Variants in VPS13A observed in about 807,000 individuals in gnomAD.
VPS13A encodes the protein intermembrane lipid transfer protein VPS13A.
VPS13A carries 264 observed loss-of-function variants against 390.9 expected under a neutral mutation model. The observed-to-expected ratio is 0.68, with a 90% confidence interval of 0.61 to 0.75. The LOEUF is 0.75. Among genes scored for constraint, VPS13A ranks in the 30% least tolerant of loss-of-function variants. The pLI is 0.00. For missense variants in VPS13A, 3,409 were observed against 3,733.9 expected, an observed-to-expected ratio of 0.91 and a Z score of 2.27; for synonymous variants, 1,231 against 1,227.1, an observed-to-expected ratio of 1.00 and a Z score of -0.07.
intron 23 of VPS13A, among the ~76,000 whole-genome samples, chr9:77,268,873 G>A (rs1826188937): frequency 6.6e-6 from 1 of 151,600 alleles, no homozygotes; most frequent in Non-Finnish European, 1.5e-5. Flanking sequence ...TCTGGAGGTG[G>A]AGGTTGCAGT....
rs113134465 is a variant in VPS13A, at chr9:77,388,417, G to T, written c.9189+6330G>T. On this transcript the variant is annotated intron_variant, in intron 68 of 71. Transcript: ENST00000360280. ...GATTTTCATAGGGATTTATTGTCCGGTTTGTTTTAACGTGGCAGAATATTT... is the reference window on the plus strand; with the variant it reads ...GATTTTCATAGGGATTTATTGTCCGTTTTGTTTTAACGTGGCAGAATATTT... 1.9e-3 allele frequency among the ~76,000 whole-genome samples: 283 copies of T among 152,216 alleles called. 1 individual carries two copies. The highest frequency in any genetic ancestry group is 6.4e-3 in the African/African-American group (266 of 41,546).
intron 52 of VPS13A, 55 bp from the exon 53 acceptor site, chr9:77,351,262 T>A (rs1831448824): frequency 5.0e-6 from 8 of 1,600,876 alleles, no homozygotes; most frequent in African/African-American, 4.0e-5. Flanking sequence ...AGTTTTTTTT[T>A]AATCTCTTCG....
At chr9:77,330,277 A>T (rs1173196572) in intron 45 of VPS13A, among the ~76,000 whole-genome samples, 1 of 152,086 alleles carries the variant, frequency 6.6e-6, no homozygotes, top group Non-Finnish European at 1.5e-5. Flanking sequence ...CAGCCTCCCA[A>T]AGTGCTGGAA....
At chr9:77,284,490 G>A (rs1356074884) in intron 31 of VPS13A, among the ~76,000 whole-genome samples, 1 of 152,064 alleles carries the variant, frequency 6.6e-6, no homozygotes, top group East Asian at 1.9e-4. Flanking sequence ...TAGCAATAAG[G>A]AACAAGAAAT....
chr9:77,394,590 G>T (rs117434717), intron 68 of VPS13A, among the ~76,000 whole-genome samples: 1 of 152,168 alleles, frequency 6.6e-6, no homozygotes, highest in Non-Finnish European at 1.5e-5. Context: ...AAGAGAATCC[G>T]ACTGTCTTTT....
intron 1 of VPS13A, among the ~76,000 whole-genome samples, chr9:77,196,632 C>T (rs746902535): frequency 2.0e-5 from 3 of 151,312 alleles, no homozygotes; most frequent in South Asian, 2.1e-4. Context: ...CTTCCAGGTG[C>T]GTCTGTGTTG....
At chr9:77,410,644 C>G (rs1834876241) in intron 71 of VPS13A, among the ~76,000 whole-genome samples, 1 of 152,060 alleles carries the variant, frequency 6.6e-6, no homozygotes, top group African/African-American at 2.4e-5. Context: ...AGTTGCAATC[C>G]TAGTCTCTGA....
intron 68 of VPS13A, chr9:77,385,240 T>C: frequency 1.2e-6 from 1 of 830,806 alleles, no homozygotes; most frequent in Non-Finnish European, 1.5e-6. Context: ...ATTGAACTGC[T>C]ATTATAAAAA....
intron 20 of VPS13A, among the ~76,000 whole-genome samples, chr9:77,248,372 C>A (rs375293877): frequency 6.6e-6 from 1 of 151,698 alleles, no homozygotes; most frequent in Admixed American, 6.6e-5. Flanking sequence ...CCCGCCACCA[C>A]GCCCGGCTAA....
chr9:77,407,085 G>A (rs79788716), intron 70 of VPS13A, among the ~76,000 whole-genome samples: 1,870 of 152,170 alleles, frequency 0.012, 39 homozygotes, highest in African/African-American at 0.042. Context: ...ATACATGCAC[G>A]CACACATGCA....
At chr9:77,226,718 T>C (rs1329022477) in intron 15 of VPS13A, 120 bp downstream of exon 15, 1 of 822,236 alleles carries the variant, frequency 1.2e-6, no homozygotes, top group East Asian at 3.6e-5. Flanking sequence ...ATATATAAAG[T>C]TATTACAAAT....
intron 33 of VPS13A, among the ~76,000 whole-genome samples, chr9:77,300,053 T>C (rs1389979975): frequency 3.3e-5 from 5 of 152,152 alleles, no homozygotes; most frequent in Non-Finnish European, 7.4e-5. Flanking sequence ...GTAACAAACC[T>C]GCACATTCTG....
intron 3 of VPS13A, among the ~76,000 whole-genome samples, chr9:77,202,071 G>A (rs1206826404): frequency 1.3e-5 from 2 of 152,100 alleles, no homozygotes. Context: ...TAGTTTTGTG[G>A]TAGGATGTAT....
intron 22 of VPS13A, among the ~76,000 whole-genome samples, chr9:77,256,375 T>C (rs1388866200): frequency 6.6e-6 from 1 of 152,160 alleles, no homozygotes; most frequent in Non-Finnish European, 1.5e-5. Context: ...GATTTCACTT[T>C]TTTAACATTT....
At chr9:77,308,996 C>T (rs1587547786) in intron 35 of VPS13A, among the ~76,000 whole-genome samples, 1 of 152,098 alleles carries the variant, frequency 6.6e-6, no homozygotes, top group South Asian at 2.1e-4. Flanking sequence ...GTAAAAACCC[C>T]AAGCATGAAT....
intron 67 of VPS13A, among the ~76,000 whole-genome samples, chr9:77,374,726 CAAATG>C (rs751842936): frequency 6.6e-6 from 1 of 152,164 alleles, no homozygotes; most frequent in African/African-American, 2.4e-5. Flanking sequence ...TTTTTTACTC[CAAATG>C]AAATTTAGTG....
At position 77,403,222 on chromosome 9, in the gene VPS13A, CTT is replaced by C; in HGVS notation, c.9190-9_9190-8del. Reference sequence around the variant, plus strand: ...CTATCAATTTTCTCATTGTCTCTCACTTTTTTCTTTTAGGTCATGGAAAATGG... The same window carrying C: ...CTATCAATTTTCTCATTGTCTCTCACTTTTCTTTTAGGTCATGGAAAATGG... On this transcript the variant is annotated splice_polypyrimidine_tract_variant and intron_variant, in intron 68 of 71. Transcript: ENST00000360280. 1.9e-6 allele frequency: 3 copies of C among 1,597,066 alleles called. No homozygotes were observed. The highest frequency in any genetic ancestry group is 2.6e-6 in the Non-Finnish European group (3 of 1,166,418).
chr9:77,258,896 G>A (rs1171060081), intron 22 of VPS13A, among the ~76,000 whole-genome samples: 1 of 152,028 alleles, frequency 6.6e-6, no homozygotes, highest in Non-Finnish European at 1.5e-5. Flanking sequence ...AAAAGTAGGT[G>A]ATATTTCTCT....
chr9:77,301,742 T>TA (rs1264465839), intron 33 of VPS13A, among the ~76,000 whole-genome samples: 1 of 152,202 alleles, frequency 6.6e-6, no homozygotes, highest in African/African-American at 2.4e-5. Context: ...GCATCAGTCT[T>TA]ACCTTTATAA....
Sources: allele counts gnomAD v4.1 joint callset (sites outside exome capture counted in the v4.1 genomes callset), GRCh38; gene constraint gnomAD v4.1.1; transcripts MANE v1.5; gene names NCBI Gene and HGNC (gene_info 2026-07-23, HGNC 2026-07-21).